PRUNE2: variants seen among roughly 807,000 people sequenced by gnomAD.
PRUNE2 encodes protein prune homolog 2.
Under a neutral mutation model 252.0 loss-of-function variants are expected in PRUNE2, and 164 were observed. That is an observed-to-expected ratio of 0.65 (90% CI 0.57 to 0.74). PRUNE2 has a LOEUF of 0.74. PRUNE2 is among the 30% of genes least tolerant of loss of function. The pLI is 0.00. For missense variants in PRUNE2, 3,495 were observed against 3,711.0 expected, an observed-to-expected ratio of 0.94 and a Z score of 1.51; for synonymous variants, 1,292 against 1,350.2, an observed-to-expected ratio of 0.96 and a Z score of 0.94.
intron 6 of PRUNE2, among the ~76,000 whole-genome samples, chr9:76,715,248 T>TG (rs2047049630): frequency 6.6e-6 from 1 of 152,216 alleles, no homozygotes; most frequent in Non-Finnish European, 1.5e-5. Context: ...TGGGTATTTG[T>TG]GGCTTAGACT....
Position 76,706,141 on chromosome 9 carries a change from G to C in PRUNE2, c.6133C>G (p.Arg2045Gly), listed in dbSNP as rs373774637. The change falls in exon 8 of 19, where the codon CGA (arginine) becomes GGA (glycine). Residue 2045 changes from arginine (R) to glycine (G), a missense_variant. By Grantham distance (125) the Arg-to-Gly change is moderately radical. Coordinates refer to ENST00000376718, the MANE Select transcript of PRUNE2 (RefSeq NM_015225.3). ...WDGSTPSEDS[R>G]GTFVPDILHG... ...AAAATATCTGGCACAAAGGTACCTC[G>C]GGAGTCCTCACTTGGGGTAGAGCCA... The C allele has an allele frequency of 2.5e-6, 4 of 1,613,826 alleles. No homozygotes were observed. The South Asian group carries it at 4.4e-5, about 18-fold the overall frequency.
intron 6 of PRUNE2, among the ~76,000 whole-genome samples, chr9:76,719,703 A>G (rs577353306): frequency 9.9e-5 from 15 of 151,994 alleles, no homozygotes; most frequent in Non-Finnish European, 5.9e-5. Context: ...GCTGGAGTGC[A>G]ATGGTATGAT....
Position 76,615,749 on chromosome 9 carries a change from G to T in PRUNE2, c.9237-1149C>A, listed in dbSNP as rs1384022825. ...AATAGTACCTCGGTGGATTTTTTTT[G>T]TTGTTGTTTTGTGTGTGTGGTTTTT... On this transcript the variant is annotated intron_variant, in intron 18 of 18. Transcript: ENST00000376718. Among the ~76,000 whole-genome samples, 69 of 110,346 alleles carry T rather than the reference G, an allele frequency of 6.3e-4. 1 individual carries two copies. Among genetic ancestry groups the T allele is most frequent in the Middle Eastern group, 0.01 (2 of 192 alleles). 72.4% of individuals were successfully genotyped at this position (110,346 alleles called of 152,430 possible). A position where few individuals can be genotyped will look rare whatever the true frequency, so the allele number is the denominator to read the frequency against.
intron 4 of PRUNE2, among the ~76,000 whole-genome samples, chr9:76,826,964 A>G (rs150980376): frequency 1.4e-4 from 21 of 152,314 alleles, no homozygotes; most frequent in African/African-American, 4.6e-4. Flanking sequence ...TGACCCTAGC[A>G]TACTCTATGG....
At chr9:76,839,186 T>TA (rs1289694334) in intron 4 of PRUNE2, among the ~76,000 whole-genome samples, 1 of 152,102 alleles carries the variant, frequency 6.6e-6, no homozygotes, top group African/African-American at 2.4e-5. Context: ...AATACAGTCA[T>TA]AAAAATAGAG....
chr9:76,817,835 TAC>T (rs756881784), intron 6 of PRUNE2: 1 of 152,178 alleles, frequency 6.6e-6, no homozygotes, highest in Non-Finnish European at 1.5e-5. Flanking sequence ...AACTGCCAGG[TAC>T]ACGGTAAGCA....
chr9:76,676,092 C>CAAAAAAAAT (rs1554684810), intron 9 of PRUNE2, among the ~76,000 whole-genome samples: 4 of 148,574 alleles, frequency 2.7e-5, no homozygotes, highest in African/African-American at 9.8e-5. Flanking sequence ...ACAAAAAAAA[C>CAAAAAAAAT]TAATAGCCAA....
chr9:76,854,607 A>G (rs1032120143), intron 1 of PRUNE2, among the ~76,000 whole-genome samples: 1 of 152,206 alleles, frequency 6.6e-6, no homozygotes, highest in Non-Finnish European at 1.5e-5. Context: ...TGTGTCTGGC[A>G]TGCAACATAA....
At chr9:76,728,032 T>G (rs1158357493) in intron 6 of PRUNE2, among the ~76,000 whole-genome samples, 3 of 152,124 alleles carry the variant, frequency 2.0e-5, no homozygotes, top group Non-Finnish European at 4.4e-5. Context: ...ACAGGGCATT[T>G]TTAAATGCCA....
intron 6 of PRUNE2, among the ~76,000 whole-genome samples, chr9:76,721,023 A>G (rs2047600884): frequency 1.3e-5 from 2 of 152,034 alleles, no homozygotes; most frequent in Admixed American, 1.3e-4. Flanking sequence ...AAGGGCATAA[A>G]CCCAGGAGGC....
chr9:76,783,097 A>G (rs898876092), intron 6 of PRUNE2, among the ~76,000 whole-genome samples: 2 of 152,160 alleles, frequency 1.3e-5, no homozygotes, highest in Non-Finnish European at 2.9e-5. Flanking sequence ...CACAAAGCAG[A>G]CACTTGATTA....
At chr9:76,697,053 GC>G (rs944331333) in intron 9 of PRUNE2, among the ~76,000 whole-genome samples, 1 of 152,094 alleles carries the variant, frequency 6.6e-6, no homozygotes, top group African/African-American at 2.4e-5. Context: ...TTCTTGCTGT[GC>G]CCCTGATATG....
At chr9:76,663,539 T>A (rs2039553937) in intron 9 of PRUNE2, among the ~76,000 whole-genome samples, 1 of 150,832 alleles carries the variant, frequency 6.6e-6, no homozygotes, top group Non-Finnish European at 1.5e-5. Flanking sequence ...AGCAAAAAAA[T>A]CACTTGTAGC....
In PRUNE2 at chr9:76,704,017, C is replaced by G. The variant is rs2046107763; in HGVS notation, c.7596G>C (p.Lys2532Asn). 2 of 1,613,434 alleles carry G rather than the reference C, an allele frequency of 1.2e-6. No homozygotes were observed. The highest frequency in any genetic ancestry group is 3.3e-5 in the Admixed American group (2 of 59,940). Residue 2532 changes from lysine (K) to asparagine (N), a missense_variant, in exon 9 of 19, where the codon AAG (lysine) becomes AAC (asparagine). Lys to Asn is a moderately conservative substitution (Grantham distance 94). Transcript: ENST00000376718. ...KEPEQIKSEY[K>N]EERCTEKNED... ...CATTCTTCTCTGTACATCTTTCTTCCTTGTATTCTGATTTTATCTGCTCAG... is the reference window on the plus strand; with the variant it reads ...CATTCTTCTCTGTACATCTTTCTTCGTTGTATTCTGATTTTATCTGCTCAG...
intron 6 of PRUNE2, chr9:76,738,796 G>A (rs2049307153): frequency 6.6e-6 from 1 of 152,070 alleles, no homozygotes; most frequent in Non-Finnish European, 1.5e-5. Flanking sequence ...ACCAACTCTA[G>A]GTAACCTCTG....
At chr9:76,668,740 C>T (rs1039677912) in intron 9 of PRUNE2, among the ~76,000 whole-genome samples, 14 of 151,958 alleles carry the variant, frequency 9.2e-5, no homozygotes, top group African/African-American at 3.4e-4. Context: ...CTTCATTCCA[C>T]ATCTTCCTTT....
Position 76,611,728 on chromosome 9 carries a change from A to G in PRUNE2, c.*2842T>C, listed in dbSNP as rs11144979. On this transcript the variant is annotated 3_prime_UTR_variant, in exon 19 of 19. Transcript: ENST00000376718. The stretch of plus-strand genomic sequence containing the variant: ...AGAGAATGTCTTAGAGAGTAACCCC[A>G]TAGAACATTGTATGGCTTCAACAGA... 9,952 of 152,702 alleles carry G rather than the reference A, an allele frequency of 0.065. 486 individuals are homozygous for G. Among genetic ancestry groups the G allele is most frequent in the Non-Finnish European group, 0.094 (6,406 of 68,026 alleles). 9.5% of individuals were successfully genotyped at this position (152,702 alleles called of 1,614,324 possible).
intron 1 of PRUNE2, among the ~76,000 whole-genome samples, chr9:76,879,462 AG>A (rs1051275014): frequency 3.9e-5 from 6 of 152,344 alleles, no homozygotes; most frequent in Admixed American, 3.9e-4. Flanking sequence ...AAAGCAAACC[AG>A]GAGATATTAG....
intron 1 of PRUNE2, among the ~76,000 whole-genome samples, chr9:76,890,221 G>A (rs932762402): frequency 2.6e-5 from 4 of 152,164 alleles, no homozygotes; most frequent in Non-Finnish European, 5.9e-5. Flanking sequence ...AGAGGATGAC[G>A]GTGAAGGTCA....
Sources: allele counts gnomAD v4.1 joint callset (sites outside exome capture counted in the v4.1 genomes callset), GRCh38; gene constraint gnomAD v4.1.1; transcripts MANE v1.5; gene names NCBI Gene and HGNC (gene_info 2026-07-23, HGNC 2026-07-21).